The following TMPRSS6 variants were observed in gnomAD, a reference collection of about 807,000 sequenced individuals.
TMPRSS6 encodes transmembrane serine protease 6, also known as transmembrane protease serine 6.
A neutral mutation model predicts 101.5 loss-of-function variants in TMPRSS6; 67 were observed. That is an observed-to-expected ratio of 0.66 (90% CI 0.54 to 0.81). TMPRSS6 has a LOEUF of 0.81. Ranked by LOEUF, TMPRSS6 falls within the 30% of genes least tolerant of loss-of-function variation. The pLI is 0.00. For synonymous variants in TMPRSS6, 453 were observed against 464.9 expected (o/e 0.97, Z 0.33); for missense variants, 1,034 against 1,088.7 (o/e 0.95, Z 0.71).
chr22:37,098,707 C>T lies in TMPRSS6; in HGVS notation c.203-158G>A, dbSNP rs569762752. Reference sequence around the variant, plus strand: ...GTCATCATCATCATCTTTGTCACTCCCATTGTCATCATGGTCATCTAAAGT... The same window carrying T: ...GTCATCATCATCATCTTTGTCACTCTCATTGTCATCATGGTCATCTAAAGT... On this transcript the variant is annotated intron_variant, in intron 2 of 17. Transcript: ENST00000676104. Among the ~76,000 whole-genome samples the T allele has an allele frequency of 9.8e-5, 15 of 152,354 alleles. No homozygotes were observed. The South Asian group carries it at 3.1e-3, about 32-fold the overall frequency.
intron 13 of TMPRSS6, among the ~76,000 whole-genome samples, chr22:37,072,305 T>TG (rs772349096): frequency 3.3e-5 from 4 of 120,526 alleles, no homozygotes; most frequent in East Asian, 2.5e-4. Context: ...GATGGATGGA[T>TG]GATGGATGGA....
At chr22:37,099,726 C>T (rs1264653398) in intron 2 of TMPRSS6, among the ~76,000 whole-genome samples, 1 of 152,048 alleles carries the variant, frequency 6.6e-6, no homozygotes, top group Non-Finnish European at 1.5e-5. Flanking sequence ...GGACGGGCTG[C>T]GATATGGAGG....
chr22:37,073,553 C>T lies in TMPRSS6; in HGVS notation c.1534G>A (p.Asp512Asn), dbSNP rs137853120. ...CTACCTTCCTGGCACTGCTCTTCGT[C>T]GCTGCCGTTGAGACAATCAGGCTGC... is the stretch of plus-strand genomic sequence containing the variant. Reference protein sequence around the residue: ...DGQPDCLNGSDEEQCQEGVPC... With the variant: ...DGQPDCLNGSNEEQCQEGVPC... Residue 512 changes from aspartate to asparagine, a missense_variant, in exon 13 of 18, where the codon GAC (aspartate) becomes AAC (asparagine). Coordinates refer to ENST00000676104, the MANE Select transcript of TMPRSS6 (RefSeq NM_001374504.1). 189 of 1,613,760 alleles carry T rather than the reference C, an allele frequency of 1.2e-4. No individual in the cohort carries two copies. Among genetic ancestry groups the T allele is most frequent in the Non-Finnish European group, 1.5e-4 (179 of 1,179,678 alleles).
chr22:37,098,691 A>T (rs990457291), intron 2 of TMPRSS6, 142 bp from the exon 3 acceptor site: 2 of 1,105,664 alleles, frequency 1.8e-6, no homozygotes, highest in Non-Finnish European at 2.7e-6. Flanking sequence ...TGTCATCATC[A>T]TCATCTTTGT....
rs901290763 is a variant in TMPRSS6 at position 37,075,189 on chromosome 22, A to G, written c.1288T>C (p.Ser430Pro). ...ACCCGCACACCGGGCCCGGTGAGGG[A>G]GATCTGGGAGGTGAAGTTGATGGTG... ...GITINFTSQI[S>P]LTGPGVRVHY... is the part of the protein sequence containing the mutation. Residue 430 changes from serine to proline, a missense_variant, in exon 11 of 18, where the codon TCC becomes CCC. Ser to Pro is a moderately conservative substitution (Grantham distance 74, BLOSUM62 -1). Transcript: ENST00000676104. The G allele has an allele frequency of 3.1e-6, 5 of 1,613,862 alleles. No individual in the cohort carries two copies. The Admixed American group carries it at 5.0e-5, about 16-fold the overall frequency.
rs568734118 is a variant in TMPRSS6 at position 37,089,763 on chromosome 22, G to A, written c.651C>T (p.Tyr217=). 57 of 1,612,358 alleles carry A rather than the reference G, an allele frequency of 3.5e-5. 1 individual carries two copies. Among genetic ancestry groups the A allele is most frequent in the South Asian group, 1.3e-4 (12 of 90,778 alleles). ...GCCGGAGGACCTGGCCCTGGCCCAC[G>A]TAGCTGTAGCGGTAACAACCTGGAG... ...NSTLGCYRYS[Y]VGQGQVLRLK... is the part of the protein sequence containing the mutation. Residue 217 remains tyrosine, a synonymous_variant, in exon 7 of 18, where the codon TAC becomes TAT. Coordinates refer to ENST00000676104, the MANE Select transcript of TMPRSS6 (RefSeq NM_001374504.1).
In TMPRSS6 at chr22:37,069,273, A is replaced by G. The variant is rs1406627138; in HGVS notation, c.1913T>C (p.Val638Ala). 1 of 1,565,634 alleles carries G rather than the reference A, an allele frequency of 6.4e-7. No homozygotes were observed. ...VWQNSRWPGE[V>A]SFKVSRLLLH... Reference sequence around the variant, plus strand: ...GAGCAGGCGGCTCACCTTGAAGGACACCTCTCCAGGCCAGCGCGAGTTCTG... The same window carrying G: ...GAGCAGGCGGCTCACCTTGAAGGACGCCTCTCCAGGCCAGCGCGAGTTCTG... The change falls in exon 16 of 18, where the codon GTG becomes GCG. Residue 638 changes from valine (V) to alanine (A), a missense_variant. By Grantham distance (64) the Val-to-Ala change is moderately conservative. Transcript: ENST00000676104. The surrounding 1 kb of genome is among the most constrained non-coding windows in gnomAD (Gnocchi z 4.8).
chr22:37,094,149 G>T (rs149420973), intron 6 of TMPRSS6, among the ~76,000 whole-genome samples: 4 of 152,202 alleles, frequency 2.6e-5, no homozygotes, highest in Non-Finnish European at 4.4e-5. Context: ...GTCCCCCTGA[G>T]GCTCTCAGGA....
rs1204029414 is a variant in TMPRSS6 at position 37,103,511 on chromosome 22, T to C, written c.-1-93A>G. ...GTGGGGCACGGAAGCAGGACTTCCC[T>C]GCCTTTTGGAGTGGAAGAGTAACAA... On this transcript the variant is annotated intron_variant, in intron 1 of 17. Coordinates refer to ENST00000676104, the MANE Select transcript of TMPRSS6 (RefSeq NM_001374504.1). The surrounding 1 kb of genome is among the most constrained non-coding windows in gnomAD (Gnocchi z 4.4). 1 of 1,614,060 alleles carries C rather than the reference T, an allele frequency of 6.2e-7. No homozygotes were observed. Among genetic ancestry groups the C allele is most frequent in the Non-Finnish European group, 8.5e-7 (1 of 1,180,038 alleles).
chr22:37,100,801 A>T (rs1021202173), intron 2 of TMPRSS6, among the ~76,000 whole-genome samples: 2 of 152,172 alleles, frequency 1.3e-5, no homozygotes, highest in African/African-American at 2.4e-5. Flanking sequence ...GAGATCACGA[A>T]AGAAGCGGGT....
chr22:37,073,230 A>C (rs1927305545), intron 13 of TMPRSS6, among the ~76,000 whole-genome samples: 1 of 151,940 alleles, frequency 6.6e-6, no homozygotes, highest in African/African-American at 2.4e-5. Flanking sequence ...CCAAACCAAT[A>C]AATGGGTAGA....
Position 37,098,450 on chromosome 22 carries a change from G to A in TMPRSS6, c.302C>T (p.Ala101Val). 2 of 1,613,988 alleles carry A rather than the reference G, an allele frequency of 1.2e-6. No homozygotes were observed. The highest frequency in any genetic ancestry group is 1.7e-6 in the Non-Finnish European group (2 of 1,180,020). Residue 101 changes from alanine to valine, a missense_variant, in exon 3 of 18, where the codon GCC becomes GTC. By Grantham distance (64) the Ala-to-Val change is moderately conservative (BLOSUM62 0). Coordinates refer to ENST00000676104, the MANE Select transcript of TMPRSS6 (RefSeq NM_001374504.1). ...SQDLTRRESS[A>V]FRSETAKAQK... is the part of the protein sequence containing the mutation. ...GGCTTTGGCGGTTTCACTGCGGAAG[G>A]CACTAGATTCCCGGCGGGTAAGATC... is the stretch of plus-strand genomic sequence containing the variant.
rs1199321757 is a variant in TMPRSS6, at chr22:37,070,560, C to T, written c.1765G>A (p.Gly589Ser). 6.2e-7 allele frequency: 1 copy of T among 1,613,358 alleles called. No homozygotes were observed. Among genetic ancestry groups the T allele is most frequent in the Non-Finnish European group, 8.5e-7 (1 of 1,180,032 alleles). ...AGGGCCCCCCCACAGATGTGTCGAC[C>T]CCGAACCTGGAGGCTGGCCTGCCAT... ...WPWQASLQVRGRHICGGALIA... is the reference protein window; with the variant it reads ...WPWQASLQVRSRHICGGALIA... The change falls in exon 15 of 18, where the codon GGT becomes AGT. Residue 589 changes from glycine to serine, a missense_variant. Gly to Ser is a moderately conservative substitution (Grantham distance 56). Coordinates refer to ENST00000676104, the MANE Select transcript of TMPRSS6 (RefSeq NM_001374504.1).
rs962754521 is a variant in TMPRSS6, at chr22:37,101,437, C to T, written c.202+1779G>A. 5.3e-5 allele frequency among the ~76,000 whole-genome samples: 8 copies of T among 152,048 alleles called. No homozygotes were observed. The highest frequency in any genetic ancestry group is 7.2e-5 in the African/African-American group (3 of 41,380). Reference sequence around the variant, plus strand: ...TAGGAAGCCAGCCACACCCTCTCCTCGGGCCAGGCTGTCCTCCTCGCTTGG... The same window carrying T: ...TAGGAAGCCAGCCACACCCTCTCCTTGGGCCAGGCTGTCCTCCTCGCTTGG... On this transcript the variant is annotated intron_variant, in intron 2 of 17. Coordinates refer to ENST00000676104, the MANE Select transcript of TMPRSS6 (RefSeq NM_001374504.1). This position sits in a 1 kb window ranked among gnomAD's most constrained non-coding sequence, Gnocchi z 4.1.
chr22:37,089,708 A>T lies in TMPRSS6; in HGVS notation c.706T>A (p.Cys236Ser). The change falls in exon 7 of 18, where the codon TGC becomes AGC. Residue 236 changes from cysteine (C) to serine (S), a missense_variant. By Grantham distance (112) the Cys-to-Ser change is moderately radical. Transcript: ENST00000676104. The stretch of plus-strand genomic sequence containing the variant: ...TTGGGGCCCTGCAGGTGCCACAGGC[A>T]GCTGGAGGCCAGGTGGTCAGGCCCC... Reference protein sequence around the residue: ...LKGPDHLASSCLWHLQGPKDL... With the variant: ...LKGPDHLASSSLWHLQGPKDL... The T allele has an allele frequency of 6.2e-7, 1 of 1,612,022 alleles. No individual in the cohort carries two copies. Among genetic ancestry groups the T allele is most frequent in the Non-Finnish European group, 8.5e-7 (1 of 1,179,292 alleles).
chr22:37,072,415 T>TG (rs1213931830), intron 13 of TMPRSS6, among the ~76,000 whole-genome samples: 1 of 132,562 alleles, frequency 7.5e-6, no homozygotes, highest in East Asian at 2.5e-4. Flanking sequence ...GATGGATGGA[T>TG]GATGGATTGA....
At position 37,067,969 on chromosome 22, in the gene TMPRSS6, T is replaced by C. The variant is rs184943700; in HGVS notation, c.2114-1007A>G. Reference sequence around the variant, plus strand: ...TCTTCCTGTCTTGGCACCTGTGTCTTCACCTGAATGTCTTTCCCCTTTGTC... The same window carrying C: ...TCTTCCTGTCTTGGCACCTGTGTCTCCACCTGAATGTCTTTCCCCTTTGTC... On this transcript the variant is annotated intron_variant, in intron 16 of 17. Coordinates refer to ENST00000676104, the MANE Select transcript of TMPRSS6 (RefSeq NM_001374504.1). Among the ~76,000 whole-genome samples the C allele has an allele frequency of 4.4e-3, 677 of 152,346 alleles. 10 individuals carry two copies. The highest frequency in any genetic ancestry group is 0.016 in the African/African-American group (658 of 41,582).
At chr22:37,102,170 A>G (rs1421205263) in intron 2 of TMPRSS6, among the ~76,000 whole-genome samples, 3 of 152,234 alleles carry the variant, frequency 2.0e-5, no homozygotes, top group Non-Finnish European at 4.4e-5. Flanking sequence ...AGCACTAGCT[A>G]TCCTTTGCAG....
chr22:37,103,656 C>T lies in TMPRSS6; in HGVS notation c.-1-238G>A, dbSNP rs1930525960. ...AGCTGGACTGGGTCTGGCTCAAGAACCCCACCTTTGCTTCCCACTGGCTTC... is the reference window on the plus strand; with the variant it reads ...AGCTGGACTGGGTCTGGCTCAAGAATCCCACCTTTGCTTCCCACTGGCTTC... On this transcript the variant is annotated intron_variant, in intron 1 of 17. Coordinates refer to ENST00000676104, the MANE Select transcript of TMPRSS6 (RefSeq NM_001374504.1). This position sits in a 1 kb window ranked among gnomAD's most constrained non-coding sequence, Gnocchi z 4.4. 1.4e-6 allele frequency: 2 copies of T among 1,475,488 alleles called. No homozygotes were observed. The highest frequency in any genetic ancestry group is 1.1e-5 in the South Asian group (1 of 87,976). The allele number at this position is 1,475,488 out of a possible 1,614,324, so 91.4% of individuals were successfully genotyped here.
Sources: gnomAD v4.1 joint callset for allele counts (sites outside exome capture counted in the v4.1 genomes callset) on GRCh38, gnomAD v4.1.1 for gene constraint, Gnocchi (gnomAD v3.1) non-coding constraint, MANE v1.5 for transcripts, NCBI Gene and HGNC (gene_info 2026-07-23, HGNC 2026-07-21) for gene names.